SMARCC2: variants seen among roughly 807,000 people sequenced by gnomAD.
The protein encoded by SMARCC2 is SWI/SNF complex subunit SMARCC2.
In SMARCC2, 15 loss-of-function variants were observed where a neutral mutation model predicts 151.3. The observed-to-expected ratio is 0.10, with a 90% CI of 0.07 to 0.15. The LOEUF (loss-of-function observed/expected upper bound fraction) is 0.15, where lower values mean the gene tolerates loss of function less well. SMARCC2 is among the 10% of genes least tolerant of loss of function. SMARCC2 has a pLI of 1.00. For missense variants in SMARCC2, 1,031 were observed against 1,599.7 expected (o/e 0.64, Z 6.06); for synonymous variants, 590 against 609.5 (o/e 0.97, Z 0.47).
intron 2 of SMARCC2, 46 bp downstream of exon 2, chr12:56,187,141 A>C: frequency 6.4e-7 from 1 of 1,564,894 alleles, no homozygotes; most frequent in Non-Finnish European, 8.7e-7. Flanking sequence ...AGTTTGAAGG[A>C]TTCACCACCA....
chr12:56,189,204 A>G lies in SMARCC2; in HGVS notation c.111+147T>C, dbSNP rs1371293389. ...AGGGAGGCTGGGGGAGGGGCGCGGG[A>G]GCGCAGGAGGGCGCGCGGGGGGCTG... On this transcript the variant is annotated intron_variant, in intron 1 of 28. Transcript: ENST00000550164. 1.4e-5 allele frequency: 4 copies of G among 293,148 alleles called. No homozygotes were observed. The African/African-American group carries it at 1.6e-4, about 12-fold the overall frequency. 18.2% of individuals were successfully genotyped at this position (293,148 alleles called of 1,614,324 possible).
In SMARCC2 at chr12:56,178,419, C is replaced by G. The variant is rs1184348823; in HGVS notation, c.1295G>C (p.Trp432Ser). ...ACAACCATACCTATTGTAGTCAAAC[C>G]AGGCAGCGTAGCTGGGAATGATGAT... The part of the protein sequence containing the change: ...HHIIIPSYAA[W>S]FDYNSVHAIE... Residue 432 changes from tryptophan to serine, a missense_variant, in exon 14 of 29, where the codon TGG (tryptophan) becomes TCG (serine). By Grantham distance (177) the Trp-to-Ser change is radical (BLOSUM62 -3). Transcript: ENST00000550164. 1 of 1,614,126 alleles carries G rather than the reference C, an allele frequency of 6.2e-7. No homozygotes were observed. The highest frequency in any genetic ancestry group is 1.3e-5 in the African/African-American group (1 of 74,942).
In SMARCC2 at chr12:56,186,235, T is replaced by C. The variant is rs1307412475; in HGVS notation, c.237A>G (p.Lys79=). 1 of 1,603,642 alleles carries C rather than the reference T, an allele frequency of 6.2e-7. No individual in the cohort carries two copies. The highest frequency in any genetic ancestry group is 1.1e-5 in the South Asian group (1 of 90,840). Reference sequence around the variant, plus strand: ...CTCCCGCTTTGAAATCTAGGAAACATTTGATCTACAAAATCAAGATACGGA... The same window carrying C: ...CTCCCGCTTTGAAATCTAGGAAACACTTGATCTACAAAATCAAGATACGGA... The part of the protein sequence containing the change: ...SNAPLTKLPI[K]CFLDFKAGGS... The change falls in exon 3 of 29, where the codon AAA becomes AAG. Residue 79 remains lysine (K), a synonymous_variant. Transcript: ENST00000550164.
chr12:56,173,089 G>A (rs1222878413), intron 17 of SMARCC2, 60 bp from the exon 18 acceptor site: 12 of 1,521,228 alleles, frequency 7.9e-6, no homozygotes, highest in Non-Finnish European at 1.1e-5. Context: ...CCAAGGCCCT[G>A]GAGGCCTCAA....
chr12:56,169,175 G>T (rs1313585072), intron 25 of SMARCC2, among the ~76,000 whole-genome samples: 1 of 148,952 alleles, frequency 6.7e-6, no homozygotes, highest in Non-Finnish European at 1.5e-5. Context: ...CACGCCTGTA[G>T]TCCCAGCTAC....
chr12:56,184,851 C>T lies in SMARCC2; in HGVS notation c.485G>A (p.Arg162Lys). ...CCTCACCAGACCATTTACCTGGTGT[C>T]TCTTGATAATGTCCTTTAATTTCCC... ...LLGKLKDIIK[R>K]HQGTVTEDKN... The change falls in exon 5 of 29, where the codon AGA becomes AAA. Residue 162 changes from arginine to lysine, a missense_variant. Around this residue, in one of 12 missense-constraint regions of SMARCC2, gnomAD observed 123 missense variants for 190.4 expected, o/e 0.65. Coordinates refer to ENST00000550164, the MANE Select transcript of SMARCC2 (RefSeq NM_001330288.2). 1 of 1,599,326 alleles carries T rather than the reference C, an allele frequency of 6.3e-7. No individual in the cohort carries two copies. Among genetic ancestry groups the T allele is most frequent in the Non-Finnish European group, 8.6e-7 (1 of 1,166,578 alleles).
rs942405180 is a variant in SMARCC2 at position 56,187,153 on chromosome 12, C to T, written c.231+34G>A. 8 of 1,581,952 alleles carry T rather than the reference C, an allele frequency of 5.1e-6. No homozygotes were observed. The African/African-American group carries it at 8.1e-5, about 16-fold the overall frequency. On this transcript the variant is annotated intron_variant, in intron 2 of 28. Transcript: ENST00000550164. ...TTCAGTTTGAAGGATTCACCACCAC[C>T]ACCCCCCACCCTCCCTGCTACTTCT...
intron 25 of SMARCC2, among the ~76,000 whole-genome samples, chr12:56,169,119 C>A (rs1014687762): frequency 4.6e-5 from 7 of 152,082 alleles, no homozygotes; most frequent in African/African-American, 1.7e-4. Context: ...CATGGTGAAA[C>A]CCCATCTCTA....
At chr12:56,170,931 G>C (rs1023522978) in intron 22 of SMARCC2, among the ~76,000 whole-genome samples, 2 of 151,290 alleles carry the variant, frequency 1.3e-5, no homozygotes, top group Admixed American at 1.3e-4. Flanking sequence ...CAGGGTTTCA[G>C]CATCTTGGCC....
intron 10 of SMARCC2, 143 bp from the exon 11 acceptor site, chr12:56,181,244 G>A: frequency 1.2e-6 from 1 of 804,954 alleles, no homozygotes; most frequent in Non-Finnish European, 2.0e-6. Context: ...ACACAGTAAT[G>A]GGAAGTGGCA....
chr12:56,171,135 G>A lies in SMARCC2; in HGVS notation c.2347+136C>T, dbSNP rs1592288040. 1.2e-6 allele frequency: 1 copy of A among 806,544 alleles called. No individual in the cohort carries two copies. 50.0% of individuals were successfully genotyped at this position (806,544 alleles called of 1,614,324 possible). On this transcript the variant is annotated intron_variant, in intron 22 of 28. Transcript: ENST00000550164. The surrounding 1 kb of genome is among the most constrained non-coding windows in gnomAD (Gnocchi z 4.2). ...TCCAGAGCCCCTGAGGTAAACTCAT[G>A]GGGAAAATAAAAACCCTACCAATGT...
Position 56,171,944 on chromosome 12 carries a change from G to A in SMARCC2, c.1927-7C>T, listed in dbSNP as rs776138507. 1 of 1,596,146 alleles carries A rather than the reference G, an allele frequency of 6.3e-7. No homozygotes were observed. Among genetic ancestry groups the A allele is most frequent in the South Asian group, 1.1e-5 (1 of 88,756 alleles). ...CTTTGTACATTTCCAGTGCCTGGTG[G>A]TAGTGGTGGAGACATAACTCCGCTT... On this transcript the variant is annotated splice_region_variant and splice_polypyrimidine_tract_variant and intron_variant, in intron 20 of 28. Coordinates refer to ENST00000550164, the MANE Select transcript of SMARCC2 (RefSeq NM_001330288.2). The surrounding 1 kb of genome is among the most constrained non-coding windows in gnomAD (Gnocchi z 4.2).
chr12:56,173,959 G>A (rs754037574), intron 16 of SMARCC2, 110 bp from the exon 17 acceptor site: 14 of 963,304 alleles, frequency 1.5e-5, no homozygotes, highest in Admixed American at 4.7e-5. Flanking sequence ...ACCCAACCCC[G>A]GCCTTTTCCT....
intron 26 of SMARCC2, 150 bp from the exon 27 acceptor site, chr12:56,165,849 C>G: frequency 1.3e-6 from 1 of 751,286 alleles, no homozygotes; most frequent in Non-Finnish European, 2.2e-6. Flanking sequence ...TCCCTCTGTC[C>G]TCCCCACCCG....
Position 56,182,321 on chromosome 12 carries a change from AT to A in SMARCC2, c.633-243del, listed in dbSNP as rs763722796. Among the ~76,000 whole-genome samples the A allele has an allele frequency of 4.2e-3, 605 of 143,302 alleles. 1 individual carries two copies. The highest frequency in any genetic ancestry group is 4.4e-3 in the African/African-American group (173 of 39,328). The allele number at this position is 143,302 out of a possible 152,430, so 94.0% of individuals were successfully genotyped here. A position where few individuals can be genotyped will look rare whatever the true frequency, so the allele number is the denominator to read the frequency against. ...GTATATCTGTTTTTCCTCCACAGTAATTTTTTTTTTTTTTTGATACAGAGTC... is the reference window on the plus strand; with the variant it reads ...GTATATCTGTTTTTCCTCCACAGTAATTTTTTTTTTTTTTGATACAGAGTC... On this transcript the variant is annotated intron_variant, in intron 7 of 28. Coordinates refer to ENST00000550164, the MANE Select transcript of SMARCC2 (RefSeq NM_001330288.2).
chr12:56,167,401 CTA>C (rs1873005595), intron 26 of SMARCC2, among the ~76,000 whole-genome samples: 2 of 152,270 alleles, frequency 1.3e-5, no homozygotes, highest in Admixed American at 1.3e-4. Flanking sequence ...AGAGATCTCA[CTA>C]TGTTACCCAG....
chr12:56,170,124 T>C lies in SMARCC2; in HGVS notation c.2412+20A>G, dbSNP rs1213318550. 1 of 1,608,122 alleles carries C rather than the reference T, an allele frequency of 6.2e-7. No individual in the cohort carries two copies. Among genetic ancestry groups the C allele is most frequent in the South Asian group, 1.1e-5 (1 of 90,934 alleles). Reference sequence around the variant, plus strand: ...CAGTGCTGCACGCAGCCCCTGCAGCTTCCAGAAATCCCTCTATACCTTGGG... The same window carrying C: ...CAGTGCTGCACGCAGCCCCTGCAGCCTCCAGAAATCCCTCTATACCTTGGG... On this transcript the variant is annotated intron_variant, in intron 23 of 28. Coordinates refer to ENST00000550164, the MANE Select transcript of SMARCC2 (RefSeq NM_001330288.2).
At chr12:56,184,028 C>A in intron 6 of SMARCC2, 98 bp from the exon 7 acceptor site, 1 of 1,078,932 alleles carries the variant, frequency 9.3e-7, no homozygotes, top group Non-Finnish European at 1.4e-6. Flanking sequence ...CCTGTTGTAG[C>A]AGGGGACTTG....
intron 15 of SMARCC2, among the ~76,000 whole-genome samples, chr12:56,175,353 T>C (rs1317831215): frequency 6.6e-6 from 1 of 152,164 alleles, no homozygotes; most frequent in Non-Finnish European, 1.5e-5. Flanking sequence ...GTTAAGAAAA[T>C]ACTCATTTCC....
Sources: allele counts gnomAD v4.1 joint callset (sites outside exome capture counted in the v4.1 genomes callset), GRCh38; gene constraint gnomAD v4.1.1; regional missense constraint gnomAD v4.1.1; non-coding constraint Gnocchi (gnomAD v3.1); transcripts MANE v1.5; gene names NCBI Gene and HGNC (gene_info 2026-07-23, HGNC 2026-07-21).